Variants in EIF4E observed in about 807,000 individuals in gnomAD.
EIF4E encodes eIF-4F 25 kDa subunit.
For missense variants in EIF4E, 113 were observed against 265.6 expected (o/e 0.43, Z 3.99); for synonymous variants, 71 against 88.5 (o/e 0.80, Z 1.11).
At chr4:98,890,226 A>G (rs1224986089) in intron 3 of EIF4E, among the ~76,000 whole-genome samples, 3 of 152,170 alleles carry the variant, frequency 2.0e-5, no homozygotes, top group African/African-American at 4.8e-5. Context: ...ACCACAATCT[A>G]TTTCTTTGTA....
At chr4:98,910,862 T>G (rs1560648657) in intron 1 of EIF4E, among the ~76,000 whole-genome samples, 3 of 150,576 alleles carry the variant, frequency 2.0e-5, no homozygotes, top group Admixed American at 6.6e-5. Context: ...CACGAGTAGC[T>G]GGGACTACAG....
chr4:98,927,858 G>T (rs913113531), intron 1 of EIF4E, among the ~76,000 whole-genome samples: 1 of 151,978 alleles, frequency 6.6e-6, no homozygotes, highest in Non-Finnish European at 1.5e-5. Flanking sequence ...ACTTAGCTGT[G>T]TCGTTTCTAA....
intron 1 of EIF4E, among the ~76,000 whole-genome samples, chr4:98,922,980 T>C (rs1725715875): frequency 6.6e-6 from 1 of 151,800 alleles, no homozygotes; most frequent in South Asian, 2.1e-4. Flanking sequence ...CCCAAGAAGC[T>C]GGGGTTACAG....
At chr4:98,921,019 T>C (rs1369198836) in intron 1 of EIF4E, among the ~76,000 whole-genome samples, 1 of 152,170 alleles carries the variant, frequency 6.6e-6, no homozygotes, top group Non-Finnish European at 1.5e-5. Context: ...ATGAGTTCTA[T>C]AAAAATAACT....
rs539469708 is a variant in EIF4E, at chr4:98,906,115, CT to C, written c.19-4134del. The stretch of plus-strand genomic sequence containing the variant: ...ACCTAAATATACATATAAACCACTT[CT>C]AGAAATAATGATGAGCCTTTCCCCT... On this transcript the variant is annotated intron_variant, in intron 1 of 6. Transcript: ENST00000450253. Among the ~76,000 whole-genome samples the C allele has an allele frequency of 2.2e-3, 339 of 152,320 alleles. 3 individuals are homozygous for C. The highest frequency in any genetic ancestry group is 7.7e-3 in the African/African-American group (319 of 41,580).
intron 6 of EIF4E, among the ~76,000 whole-genome samples, chr4:98,884,197 C>T (rs1364129243): frequency 6.6e-6 from 1 of 152,070 alleles, no homozygotes; most frequent in African/African-American, 2.4e-5. Context: ...GCTTTAAATG[C>T]ACATATACTA....
chr4:98,901,849 AG>A (rs1298159217), intron 2 of EIF4E, 26 bp downstream of exon 2: 5 of 1,600,906 alleles, frequency 3.1e-6, no homozygotes, highest in Non-Finnish European at 4.3e-6. Context: ...GGCCTAACTC[AG>A]AAAACCTAGG....
Position 98,879,918 on chromosome 4 carries a change from T to C in EIF4E, c.*1110A>G, listed in dbSNP as rs1445408488. 1.3e-5 allele frequency: 2 copies of C among 152,178 alleles called. No individual in the cohort carries two copies. The highest frequency in any genetic ancestry group is 2.9e-5 in the Non-Finnish European group (2 of 67,982). 9.4% of individuals were successfully genotyped at this position (152,178 alleles called of 1,614,324 possible). A position where few individuals can be genotyped will look rare whatever the true frequency, so the allele number is the denominator to read the frequency against. ...AATTTATTAAAAATTGTAATAAACATAATAATCAAACTAGTGCTCCAAACT... is the reference window on the plus strand; with the variant it reads ...AATTTATTAAAAATTGTAATAAACACAATAATCAAACTAGTGCTCCAAACT... On this transcript the variant is annotated 3_prime_UTR_variant, in exon 7 of 7. Transcript: ENST00000450253.
chr4:98,906,657 G>C (rs1724886747), intron 1 of EIF4E, among the ~76,000 whole-genome samples: 1 of 152,112 alleles, frequency 6.6e-6, no homozygotes. Flanking sequence ...GCTGCGGTGA[G>C]CTATGATAGC....
At chr4:98,906,215 A>C (rs1424142972) in intron 1 of EIF4E, among the ~76,000 whole-genome samples, 1 of 152,074 alleles carries the variant, frequency 6.6e-6, no homozygotes, top group South Asian at 2.1e-4. Context: ...CTTCCAAAAA[A>C]TTTTTTTCCA....
chr4:98,914,496 C>T (rs1725292214), intron 1 of EIF4E, among the ~76,000 whole-genome samples: 1 of 149,448 alleles, frequency 6.7e-6, no homozygotes, highest in East Asian at 2.0e-4. Flanking sequence ...AGTTATCAAG[C>T]CATAAAAAGA....
chr4:98,929,079 C>T lies in EIF4E; in HGVS notation c.18+16G>A. 6.3e-7 allele frequency: 1 copy of T among 1,582,034 alleles called. No individual in the cohort carries two copies. The highest frequency in any genetic ancestry group is 8.6e-7 in the Non-Finnish European group (1 of 1,163,390). On this transcript the variant is annotated intron_variant, in intron 1 of 6. Transcript: ENST00000450253. Reference sequence around the variant, plus strand: ...CGCGGGGACCCGTGGGGGTGGGGGCCAAAGGCAATACTCACCGGTTCGACA... The same window carrying T: ...CGCGGGGACCCGTGGGGGTGGGGGCTAAAGGCAATACTCACCGGTTCGACA...
intron 1 of EIF4E, among the ~76,000 whole-genome samples, chr4:98,912,982 G>A (rs559339718): frequency 1.3e-5 from 2 of 152,080 alleles, no homozygotes; most frequent in African/African-American, 2.4e-5. Flanking sequence ...CGAGGCAGGC[G>A]GATCACCTGA....
chr4:98,890,805 CTGAACACTTCAGCCTT>C (rs1228298644), intron 3 of EIF4E: 1 of 180,078 alleles, frequency 5.6e-6, no homozygotes, highest in African/African-American at 2.4e-5. Context: ...ACCGTGAATT[CTGAACACTTCAGCCTT>C]TGATATCTTA....
chr4:98,901,999 T>C lies in EIF4E; in HGVS notation c.19-17A>G, dbSNP rs1202131261. 4 of 1,590,172 alleles carry C rather than the reference T, an allele frequency of 2.5e-6. No individual in the cohort carries two copies. The highest frequency in any genetic ancestry group is 3.5e-6 in the Non-Finnish European group (4 of 1,158,536). On this transcript the variant is annotated splice_polypyrimidine_tract_variant and intron_variant, in intron 1 of 6. Coordinates refer to ENST00000450253, the MANE Select transcript of EIF4E (RefSeq NM_001968.5). ...GGTGGTTTCCTAGTGGAAAATAATA[T>C]AAAACATTATTTTAAATGTCTTAAC...
In EIF4E at chr4:98,891,463, C is replaced by A. The variant is rs1724139766; in HGVS notation, c.126-131G>T. 13 of 743,484 alleles carry A rather than the reference C, an allele frequency of 1.7e-5. No homozygotes were observed. In the South Asian group the frequency reaches 2.1e-4, roughly 12 times the overall value. The allele number at this position is 743,484 out of a possible 1,614,324, so 46.1% of individuals were successfully genotyped here. On this transcript the variant is annotated intron_variant, in intron 2 of 6. Transcript: ENST00000450253. ...CAGATGAATGAAAAATGTATATATA[C>A]ACACAATGGAATACTAAAAAGCCCT... is the stretch of plus-strand genomic sequence containing the variant.
chr4:98,922,413 G>A (rs148997595), intron 1 of EIF4E, among the ~76,000 whole-genome samples: 4,460 of 152,026 alleles, frequency 0.029, 109 homozygotes, highest in Middle Eastern at 0.054. Flanking sequence ...AAAATTAGCC[G>A]GGCGTGGTGG....
intron 1 of EIF4E, among the ~76,000 whole-genome samples, chr4:98,910,833 A>T (rs1384125029): frequency 6.6e-6 from 1 of 151,346 alleles, no homozygotes; most frequent in Non-Finnish European, 1.5e-5. Context: ...GGGTTCAAGC[A>T]GTTCTCTTGC....
At chr4:98,902,757 AGATTAATAGGAG>A (rs1243956971) in intron 1 of EIF4E, among the ~76,000 whole-genome samples, 5 of 152,280 alleles carry the variant, frequency 3.3e-5, no homozygotes, top group East Asian at 1.9e-4. Context: ...GCTACTCGGG[AGATTAATAGGAG>A]GATTAATAGG....
Sources: gnomAD v4.1 joint callset for allele counts (sites outside exome capture counted in the v4.1 genomes callset) on GRCh38, gnomAD v4.1.1 for gene constraint, MANE v1.5 for transcripts, NCBI Gene and HGNC (gene_info 2026-07-23, HGNC 2026-07-21) for gene names.